The following ANKHD1 variants were observed in gnomAD, a reference collection of about 807,000 sequenced individuals.
The protein encoded by ANKHD1 is ankyrin repeat and KH domain containing 1.
Under a neutral mutation model 230.5 loss-of-function variants are expected in ANKHD1, and 31 were observed. The ratio of observed to expected loss-of-function variants is 0.13; its 90% confidence interval spans 0.10 to 0.18. The LOEUF is 0.18. Among genes scored for constraint, ANKHD1 ranks in the 10% least tolerant of loss-of-function variants. The pLI is 1.00. For missense variants in ANKHD1, 2,256 were observed against 3,071.3 expected (o/e 0.73, Z 6.27); for synonymous variants, 1,074 against 1,117.6 (o/e 0.96, Z 0.78).
intron 10 of ANKHD1, among the ~76,000 whole-genome samples, chr5:140,465,939 A>G (rs1776051698): frequency 6.6e-6 from 1 of 152,204 alleles, no homozygotes; most frequent in African/African-American, 2.4e-5. Flanking sequence ...TAGGAATTGA[A>G]GTTTGTCATT....
Position 140,527,843 on chromosome 5 carries a change from A to G in ANKHD1, c.5088-30A>G. On this transcript the variant is annotated intron_variant, in intron 27 of 33. Coordinates refer to ENST00000360839, the MANE Select transcript of ANKHD1 (RefSeq NM_017747.3). This position sits in a 1 kb window ranked among gnomAD's most constrained non-coding sequence, Gnocchi z 4.5. ...TCTTAATAAAGAGACATTTAATTTC[A>G]TAAGCTCATGTGTATTCTTCATTTT... 2 of 1,584,542 alleles carry G rather than the reference A, an allele frequency of 1.3e-6. No homozygotes were observed.
At chr5:140,457,682 CAT>C (rs955972078) in intron 7 of ANKHD1, among the ~76,000 whole-genome samples, 2 of 152,112 alleles carry the variant, frequency 1.3e-5, no homozygotes, top group African/African-American at 4.8e-5. Flanking sequence ...GGAAGGGGAA[CAT>C]CACACACCAG....
chr5:140,514,753 T>C (rs1333696371), intron 24 of ANKHD1, among the ~76,000 whole-genome samples: 2 of 151,730 alleles, frequency 1.3e-5, no homozygotes, highest in Non-Finnish European at 2.9e-5. Context: ...AGAGGATGGC[T>C]TGAGCTCAGG....
At chr5:140,475,143 TTAAATA>T (rs2127002699) in intron 10 of ANKHD1, among the ~76,000 whole-genome samples, 1 of 152,292 alleles carries the variant, frequency 6.6e-6, no homozygotes, top group African/African-American at 2.4e-5. Context: ...TCCAGGTTGT[TTAAATA>T]TAAGTACAAA....
rs55859898 is a variant in ANKHD1, at chr5:140,485,397, AACAC to A, written c.1999-165_1999-162del. The stretch of plus-strand genomic sequence containing the variant: ...CATAAGGAGACCCCATCTCTATTAA[AACAC>A]ACACACACACACACACACACACACA... On this transcript the variant is annotated intron_variant, in intron 12 of 33. Transcript: ENST00000360839. The surrounding 1 kb of genome is among the most constrained non-coding windows in gnomAD (Gnocchi z 4.8). The A allele has an allele frequency of 4.5e-4, 301 of 665,038 alleles. No homozygotes were observed. Among genetic ancestry groups the A allele is most frequent in the South Asian group, 7.6e-4 (27 of 35,466 alleles). 41.2% of individuals were successfully genotyped at this position (665,038 alleles called of 1,614,324 possible).
chr5:140,485,876 G>A lies in ANKHD1; in HGVS notation c.2142+144G>A. ...AAAATCATGACTCTAAATTCTTTAGGATTTATTTTCTTTAAAGGTACACTG... is the reference window on the plus strand; with the variant it reads ...AAAATCATGACTCTAAATTCTTTAGAATTTATTTTCTTTAAAGGTACACTG... On this transcript the variant is annotated intron_variant, in intron 13 of 33. Coordinates refer to ENST00000360839, the MANE Select transcript of ANKHD1 (RefSeq NM_017747.3). The surrounding 1 kb of genome is among the most constrained non-coding windows in gnomAD (Gnocchi z 4.8). 1 of 1,268,196 alleles carries A rather than the reference G, an allele frequency of 7.9e-7. No individual in the cohort carries two copies. The highest frequency in any genetic ancestry group is 1.1e-6 in the Non-Finnish European group (1 of 942,692). The allele number at this position is 1,268,196 out of a possible 1,614,324, so 78.6% of individuals were successfully genotyped here. A position where few individuals can be genotyped will look rare whatever the true frequency, so the allele number is the denominator to read the frequency against.
chr5:140,448,723 T>C lies in ANKHD1; in HGVS notation c.1148-488T>C, dbSNP rs140493102. On this transcript the variant is annotated intron_variant, in intron 6 of 33. Coordinates refer to ENST00000360839, the MANE Select transcript of ANKHD1 (RefSeq NM_017747.3). ...ATATCTGTCACCCATTCTTCTGGAG[T>C]GTTTGTCATTTTCTTATTGACTATC... is the stretch of plus-strand genomic sequence containing the variant. Among the ~76,000 whole-genome samples, 4 of 152,336 alleles carry C rather than the reference T, an allele frequency of 2.6e-5. No individual in the cohort carries two copies. The East Asian group carries it at 7.7e-4, about 29-fold the overall frequency.
At chr5:140,519,860 A>T (rs1247557327) in intron 24 of ANKHD1, among the ~76,000 whole-genome samples, 3 of 152,026 alleles carry the variant, frequency 2.0e-5, no homozygotes, top group Non-Finnish European at 4.4e-5. Context: ...TTCAGGACAT[A>T]GGCATGGGCA....
intron 29 of ANKHD1, chr5:140,532,997 C>A: frequency 4.6e-6 from 1 of 216,428 alleles, no homozygotes; most frequent in East Asian, 1.7e-4. Context: ...ACTCAGTAGG[C>A]TGAGGCAGGT....
At chr5:140,471,481 A>C (rs1776493876) in intron 10 of ANKHD1, among the ~76,000 whole-genome samples, 1 of 152,172 alleles carries the variant, frequency 6.6e-6, no homozygotes, top group Non-Finnish European at 1.5e-5. Flanking sequence ...TTAGCTTCTT[A>C]AAATCATGTA....
intron 1 of ANKHD1, among the ~76,000 whole-genome samples, chr5:140,407,614 T>C (rs111932604): frequency 1.2e-4 from 19 of 152,192 alleles, no homozygotes; most frequent in African/African-American, 4.6e-4. Context: ...AGTCTTGAAC[T>C]CCTGGCCTCA....
Position 140,440,110 on chromosome 5 carries a change from T to C in ANKHD1, c.618-9T>C, listed in dbSNP as rs1434049964. ...GTTTCGGTTAATTGTTGAATGGTTTTGTTTCCAGTCGCAGTCTAGCAGAAG... is the reference window on the plus strand; with the variant it reads ...GTTTCGGTTAATTGTTGAATGGTTTCGTTTCCAGTCGCAGTCTAGCAGAAG... On this transcript the variant is annotated splice_polypyrimidine_tract_variant and intron_variant, in intron 3 of 33. Coordinates refer to ENST00000360839, the MANE Select transcript of ANKHD1 (RefSeq NM_017747.3). 5.6e-6 allele frequency: 9 copies of C among 1,595,888 alleles called. No individual in the cohort carries two copies. The highest frequency in any genetic ancestry group is 1.7e-4 in the Middle Eastern group (1 of 5,986).
chr5:140,529,776 G>A lies in ANKHD1; in HGVS notation c.6830G>A (p.Arg2277Gln), dbSNP rs1444154348. The A allele has an allele frequency of 1.9e-6, 3 of 1,613,834 alleles. No homozygotes were observed. The highest frequency in any genetic ancestry group is 2.5e-6 in the Non-Finnish European group (3 of 1,180,008). The change falls in exon 29 of 34, where the codon CGA (arginine) becomes CAA (glutamine). Residue 2277 changes from arginine to glutamine, a missense_variant. Coordinates refer to ENST00000360839, the MANE Select transcript of ANKHD1 (RefSeq NM_017747.3). ...CCTGGCTTCAGACCACCTTCCCAGC[G>A]AGTTTCTACTAGTCCAGTTGGTAAG... The part of the protein sequence containing the change: ...KAPGFRPPSQ[R>Q]VSTSPVGLPS...
intron 28 of ANKHD1, 39 bp from the exon 29 acceptor site, chr5:140,528,145 A>G: frequency 2.6e-6 from 4 of 1,514,930 alleles, no homozygotes; most frequent in South Asian, 1.3e-5. Flanking sequence ...TTTTTTTTTA[A>G]TGTTTTTGGT....
At chr5:140,464,097 G>C (rs1057078502) in intron 9 of ANKHD1, among the ~76,000 whole-genome samples, 2 of 151,980 alleles carry the variant, frequency 1.3e-5, no homozygotes, top group Admixed American at 6.6e-5. Context: ...TTAGCCAAGC[G>C]TGGTGGCATG....
chr5:140,450,347 G>A (rs1561741043), intron 7 of ANKHD1, among the ~76,000 whole-genome samples: 2 of 149,702 alleles, frequency 1.3e-5, no homozygotes, highest in East Asian at 3.9e-4. Context: ...CCAGGCTGGA[G>A]TGCAGTGGTG....
intron 29 of ANKHD1, chr5:140,531,518 T>C (rs1231983813): frequency 5.7e-6 from 1 of 174,554 alleles, no homozygotes; most frequent in Non-Finnish European, 1.2e-5. Flanking sequence ...AAGATGGAGG[T>C]TGCAGTAAGC....
At chr5:140,411,885 G>T (rs1204331731) in intron 1 of ANKHD1, among the ~76,000 whole-genome samples, 6 of 151,206 alleles carry the variant, frequency 4.0e-5, no homozygotes, top group Non-Finnish European at 8.8e-5. Flanking sequence ...CTGGAGTGCG[G>T]TGGTGCAGGA....
At chr5:140,482,938 A>G (rs958180182) in intron 11 of ANKHD1, among the ~76,000 whole-genome samples, 1 of 152,176 alleles carries the variant, frequency 6.6e-6, no homozygotes, top group Non-Finnish European at 1.5e-5. Context: ...TCCCACTATG[A>G]TTAGGTGGAT....
Sources: gnomAD v4.1 joint callset for allele counts (sites outside exome capture counted in the v4.1 genomes callset) on GRCh38, gnomAD v4.1.1 for gene constraint, Gnocchi (gnomAD v3.1) non-coding constraint, MANE v1.5 for transcripts, NCBI Gene and HGNC (gene_info 2026-07-23, HGNC 2026-07-21) for gene names.